Variants in COL4A2 observed in about 807,000 individuals in gnomAD.
COL4A2 encodes collagen type IV alpha 2 chain.
Under a neutral mutation model 200.2 loss-of-function variants are expected in COL4A2, and 99 were observed. The observed-to-expected ratio is 0.49, with a 90% CI of 0.42 to 0.58. The LOEUF (loss-of-function observed/expected upper bound fraction) is 0.58. Among genes scored for constraint, COL4A2 ranks in the 20% least tolerant of loss-of-function variants. The probability of loss-of-function intolerance (pLI) is 0.00; values close to 1 mark genes in which losing one functional copy is unlikely to be tolerated. For missense variants in COL4A2, 1,950 were observed against 2,314.1 expected, an observed-to-expected ratio of 0.84 and a Z score of 3.23; for synonymous variants, 897 against 900.6, an observed-to-expected ratio of 1.00 and a Z score of 0.07.
At chr13:110,336,888 G>A (rs1876217064) in intron 3 of COL4A2, among the ~76,000 whole-genome samples, 1 of 152,176 alleles carries the variant, frequency 6.6e-6, no homozygotes, top group South Asian at 2.1e-4. Flanking sequence ...CCTGGGGCTG[G>A]CATCCTCTGG....
intron 3 of COL4A2, among the ~76,000 whole-genome samples, chr13:110,340,743 T>G (rs1044027040): frequency 6.6e-6 from 1 of 152,144 alleles, no homozygotes; most frequent in Non-Finnish European, 1.5e-5. Flanking sequence ...TCGAGCTCAC[T>G]CTATGTCCTT....
In COL4A2 at chr13:110,512,116, C is replaced by A. The variant is rs1594120921; in HGVS notation, c.5064C>A (p.Pro1688=). The A allele has an allele frequency of 6.2e-7, 1 of 1,613,622 alleles. No homozygotes were observed. Reference sequence around the variant, plus strand: ...CCGAGCAGAGCTTCCAGGGCTCGCCCTCCGCCGACACGCTCAAGGCCGGCC... The same window carrying A: ...CCGAGCAGAGCTTCCAGGGCTCGCCATCCGCCGACACGCTCAAGGCCGGCC... ...TIPEQSFQGS[P]SADTLKAGLI... is the part of the protein sequence containing the mutation. The change falls in exon 48 of 48, where the codon CCC becomes CCA. Residue 1688 remains proline, a synonymous_variant. Transcript: ENST00000360467.
At chr13:110,325,983 G>A (rs961873094) in intron 3 of COL4A2, among the ~76,000 whole-genome samples, 1 of 151,964 alleles carries the variant, frequency 6.6e-6, no homozygotes, top group South Asian at 2.1e-4. Context: ...ACAGGGTTTC[G>A]CCACGTTGGC....
At chr13:110,317,478 C>T (rs1461646598) in intron 3 of COL4A2, among the ~76,000 whole-genome samples, 2 of 152,226 alleles carry the variant, frequency 1.3e-5, no homozygotes, top group Non-Finnish European at 2.9e-5. Context: ...ATACCTGCCT[C>T]TGGGGAGCAT....
At position 110,437,974 on chromosome 13, in the gene COL4A2, C is replaced by T. The variant is rs199962271; in HGVS notation, c.826-28C>T. The T allele has an allele frequency of 8.5e-4, 1,343 of 1,589,044 alleles. 19 individuals are homozygous for T. Among genetic ancestry groups the T allele is most frequent in the African/African-American group, 2.6e-4 (19 of 74,454 alleles). On this transcript the variant is annotated intron_variant, in intron 13 of 47. Coordinates refer to ENST00000360467, the MANE Select transcript of COL4A2 (RefSeq NM_001846.4). ...CCATTACCATCCTCAAATTAATAAG[C>T]GTTTCTTATTTTTCATATTCTTCAC...
intron 45 of COL4A2, among the ~76,000 whole-genome samples, chr13:110,505,360 A>AG (rs1258852047): frequency 6.6e-6 from 1 of 152,160 alleles, no homozygotes; most frequent in African/African-American, 2.4e-5. Flanking sequence ...AAAAAAAAAA[A>AG]AGAAAATTAA....
At chr13:110,400,575 C>CA (rs986445632) in intron 4 of COL4A2, among the ~76,000 whole-genome samples, 88 of 151,788 alleles carry the variant, frequency 5.8e-4, no homozygotes, top group Middle Eastern at 3.4e-3. Flanking sequence ...TATAGAGAAC[C>CA]AAAAAAACAG....
At chr13:110,430,242 TAAC>T (rs1205476220) in intron 8 of COL4A2, 156 bp from the exon 9 acceptor site, 3 of 847,558 alleles carry the variant, frequency 3.5e-6, no homozygotes, top group African/African-American at 3.5e-5. Context: ...TCTGACTAAA[TAAC>T]AATATTAGTA....
chr13:110,424,002 G>A (rs903706372), intron 4 of COL4A2, among the ~76,000 whole-genome samples: 15 of 152,098 alleles, frequency 9.9e-5, no homozygotes, highest in South Asian at 2.1e-4. Context: ...TCACGCTGCT[G>A]TGCGTGTAAG....
chr13:110,445,865 G>C lies in COL4A2; in HGVS notation c.994G>C (p.Gly332Arg). Residue 332 changes from glycine (G) to arginine (R), a missense_variant, in exon 17 of 48, where the codon GGA (glycine) becomes CGA (arginine). This residue lies in a region of COL4A2 where 565 missense variants were observed against 593.5 expected (regional missense o/e 0.95). Transcript: ENST00000360467. ...CCTGGATGGCTATCAAGGGCCTGAT[G>C]GACCCCGGGGACCCAAGGTGAGCCC... ...RGLDGYQGPD[G>R]PRGPKGEAGD... is the part of the protein sequence containing the mutation. 6.2e-7 allele frequency: 1 copy of C among 1,614,156 alleles called. No homozygotes were observed. The highest frequency in any genetic ancestry group is 8.5e-7 in the Non-Finnish European group (1 of 1,180,014).
chr13:110,484,805 G>C, intron 32 of COL4A2, 100 bp from the exon 33 acceptor site: 2 of 1,437,008 alleles, frequency 1.4e-6, no homozygotes, highest in Non-Finnish European at 1.8e-6. Context: ...CCTGCTTGGG[G>C]GAGACGTGCA....
intron 43 of COL4A2, 121 bp downstream of exon 43, chr13:110,503,602 C>T: frequency 1.4e-6 from 1 of 729,178 alleles, no homozygotes; most frequent in Non-Finnish European, 2.3e-6. Context: ...TTGTAAAGAG[C>T]AGGGAGGAAA....
intron 3 of COL4A2, among the ~76,000 whole-genome samples, chr13:110,315,471 C>G (rs1294188328): frequency 1.3e-5 from 2 of 152,198 alleles, no homozygotes; most frequent in African/African-American, 4.8e-5. Context: ...TCTTGGCTCC[C>G]TGCAACCTCT....
intron 3 of COL4A2, among the ~76,000 whole-genome samples, chr13:110,331,025 C>T (rs59682680): frequency 0.03 from 4,543 of 151,956 alleles, 195 homozygotes; most frequent in African/African-American, 0.1. Flanking sequence ...TGTTCAGATT[C>T]TCTTAGGATC....
chr13:110,426,514 G>A (rs1880476094), intron 6 of COL4A2, among the ~76,000 whole-genome samples: 1 of 152,186 alleles, frequency 6.6e-6, no homozygotes, highest in Admixed American at 6.5e-5. Flanking sequence ...GTTAACAAAT[G>A]TAGAGTTTGA....
chr13:110,311,008 G>A (rs564970338), intron 3 of COL4A2, among the ~76,000 whole-genome samples: 2 of 152,298 alleles, frequency 1.3e-5, no homozygotes, highest in South Asian at 4.1e-4. Flanking sequence ...CCTGAAAGGT[G>A]GCCGGGAGGG....
chr13:110,486,952 A>G (rs942135520), intron 34 of COL4A2, among the ~76,000 whole-genome samples: 1 of 152,248 alleles, frequency 6.6e-6, no homozygotes, highest in Non-Finnish European at 1.5e-5. Context: ...GTGTACGTGC[A>G]GGTCACAGGG....
intron 28 of COL4A2, 87 bp from the exon 29 acceptor site, chr13:110,472,842 T>A: frequency 7.6e-7 from 1 of 1,309,930 alleles, no homozygotes; most frequent in Non-Finnish European, 1.1e-6. Context: ...AGCCAAATTT[T>A]TGCTGTTTCC....
chr13:110,480,861 A>ACTGCT (rs1461898369), intron 31 of COL4A2, among the ~76,000 whole-genome samples: 1 of 152,140 alleles, frequency 6.6e-6, no homozygotes, highest in Non-Finnish European at 1.5e-5. Context: ...CTGGAGACAC[A>ACTGCT]CTGTTCTTCC....
Sources: gnomAD v4.1 joint callset for allele counts (sites outside exome capture counted in the v4.1 genomes callset) on GRCh38, gnomAD v4.1.1 for gene constraint, gnomAD v4.1.1 regional missense constraint, MANE v1.5 for transcripts, NCBI Gene and HGNC (gene_info 2026-07-23, HGNC 2026-07-21) for gene names.